The following THSD7B variants were observed in gnomAD, a reference collection of about 807,000 sequenced individuals.
THSD7B encodes the protein thrombospondin type-1 domain-containing protein 7B.
Under a neutral mutation model 213.6 loss-of-function variants are expected in THSD7B, and 138 were observed. The ratio of observed to expected loss-of-function variants is 0.65; its 90% confidence interval spans 0.56 to 0.74. The LOEUF (loss-of-function observed/expected upper bound fraction) is 0.74, where lower values mean the gene tolerates loss of function less well. Among genes scored for constraint, THSD7B ranks in the 30% least tolerant of loss-of-function variants. THSD7B has a pLI of 0.00. For missense variants in THSD7B, 1,931 were observed against 1,991.5 expected, an observed-to-expected ratio of 0.97 and a Z score of 0.58; for synonymous variants, 742 against 687.0, an observed-to-expected ratio of 1.08 and a Z score of -1.25.
intron 15 of THSD7B, among the ~76,000 whole-genome samples, chr2:137,533,802 A>G (rs949042246): frequency 1.3e-5 from 2 of 151,904 alleles, no homozygotes; most frequent in African/African-American, 4.8e-5. Context: ...TCTCAGAACC[A>G]GCAATTTGCC....
At chr2:136,800,417 G>A (rs1244055919) in intron 1 of THSD7B, among the ~76,000 whole-genome samples, 2 of 151,926 alleles carry the variant, frequency 1.3e-5, no homozygotes, top group African/African-American at 4.8e-5. Context: ...GTGGCTTACA[G>A]TAAGTATCCA....
chr2:137,301,829 G>A (rs78461585), intron 12 of THSD7B, among the ~76,000 whole-genome samples: 3 of 152,198 alleles, frequency 2.0e-5, no homozygotes, highest in Non-Finnish European at 4.4e-5. Flanking sequence ...GGCCAAAAAG[G>A]TGGGGGAGAG....
At chr2:136,963,215 C>T (rs1685255518) in intron 2 of THSD7B, among the ~76,000 whole-genome samples, 1 of 152,164 alleles carries the variant, frequency 6.6e-6, no homozygotes, top group South Asian at 2.1e-4. Context: ...CTTCCCACCC[C>T]CAGTCCTTCC....
At chr2:137,448,540 T>C (rs141881874) in intron 14 of THSD7B, among the ~76,000 whole-genome samples, 1 of 151,978 alleles carries the variant, frequency 6.6e-6, no homozygotes, top group East Asian at 2.0e-4. Context: ...CTGGCCGCAG[T>C]GGCTCACGCC....
chr2:137,660,944 AC>A (rs1683332369), intron 25 of THSD7B, among the ~76,000 whole-genome samples: 1 of 152,124 alleles, frequency 6.6e-6, no homozygotes, highest in South Asian at 2.1e-4. Flanking sequence ...TGCTTTGTTT[AC>A]TTTTAGTATC....
At chr2:137,073,151 A>G (rs1311977537) in intron 3 of THSD7B, among the ~76,000 whole-genome samples, 10 of 147,388 alleles carry the variant, frequency 6.8e-5, no homozygotes, top group African/African-American at 1.5e-4. Context: ...CTCTTTTTCT[A>G]TTGATTGGAA....
At chr2:137,481,685 G>C (rs1018084115) in intron 15 of THSD7B, among the ~76,000 whole-genome samples, 11 of 152,144 alleles carry the variant, frequency 7.2e-5, no homozygotes. Context: ...TATAAAAACA[G>C]ACATTAGACT....
intron 2 of THSD7B, among the ~76,000 whole-genome samples, chr2:137,011,703 T>C (rs531355034): frequency 6.6e-6 from 1 of 152,132 alleles, no homozygotes; most frequent in African/African-American, 2.4e-5. Flanking sequence ...AAGCTCCTTT[T>C]CCCTGTCCAA....
At chr2:137,077,514 C>A in intron 3 of THSD7B, among the ~76,000 whole-genome samples, 1 of 152,078 alleles carries the variant, frequency 6.6e-6, no homozygotes. Context: ...TAATGATCAC[C>A]ATTCTAACTG....
chr2:137,311,055 G>C (rs1168134168), intron 12 of THSD7B, among the ~76,000 whole-genome samples: 2 of 150,898 alleles, frequency 1.3e-5, no homozygotes, highest in African/African-American at 4.9e-5. Flanking sequence ...GTCATTGGTA[G>C]CTTGATGGGG....
At chr2:137,331,192 T>G (rs529420266) in intron 12 of THSD7B, among the ~76,000 whole-genome samples, 66 of 139,046 alleles carry the variant, frequency 4.7e-4, no homozygotes, top group African/African-American at 2.1e-3. Context: ...TACAGAGTGC[T>G]GATTGGTGTA....
chr2:137,620,478 G>T, intron 19 of THSD7B, 131 bp from the exon 20 acceptor site: 2 of 617,980 alleles, frequency 3.2e-6, no homozygotes. Flanking sequence ...ATATAAGAAA[G>T]GATATACTTC....
At chr2:136,908,036 A>G (rs1684195802) in intron 2 of THSD7B, among the ~76,000 whole-genome samples, 2 of 152,158 alleles carry the variant, frequency 1.3e-5, no homozygotes, top group South Asian at 4.1e-4. Flanking sequence ...TGAGTGATTT[A>G]CTTTTCATTT....
intron 3 of THSD7B, among the ~76,000 whole-genome samples, chr2:137,076,360 A>G (rs969010104): frequency 2.0e-5 from 3 of 152,332 alleles, no homozygotes; most frequent in Middle Eastern, 3.4e-3. Flanking sequence ...GCAATAAGCG[A>G]GACTCTGTTG....
chr2:137,545,924 C>T (rs1224687056), intron 15 of THSD7B, among the ~76,000 whole-genome samples: 1 of 151,402 alleles, frequency 6.6e-6, no homozygotes, highest in East Asian at 2.0e-4. Flanking sequence ...ATATTACCTG[C>T]CTTTAAGGGA....
intron 1 of THSD7B, among the ~76,000 whole-genome samples, chr2:136,835,377 A>T (rs1682827135): frequency 6.6e-6 from 1 of 152,244 alleles, no homozygotes; most frequent in South Asian, 2.1e-4. Flanking sequence ...AAATAAGGTT[A>T]TTAACATTAG....
intron 2 of THSD7B, among the ~76,000 whole-genome samples, chr2:137,055,682 G>T (rs1339778943): frequency 1.3e-5 from 2 of 152,106 alleles, no homozygotes; most frequent in Non-Finnish European, 1.5e-5. Context: ...ACTGTACCTG[G>T]ATCAGTACCC....
At chr2:137,422,708 A>T (rs1289784489) in intron 14 of THSD7B, among the ~76,000 whole-genome samples, 1 of 152,224 alleles carries the variant, frequency 6.6e-6, no homozygotes, top group Non-Finnish European at 1.5e-5. Flanking sequence ...ATTTAGGAAT[A>T]TCTCCTCTCT....
chr2:136,877,657 A>G (rs1683546498), intron 1 of THSD7B, among the ~76,000 whole-genome samples: 1 of 152,108 alleles, frequency 6.6e-6, no homozygotes, highest in South Asian at 2.1e-4. Flanking sequence ...GTACTTTGCT[A>G]CCGTACCCTT....
Sources: gnomAD v4.1 joint callset for allele counts (sites outside exome capture counted in the v4.1 genomes callset) on GRCh38, gnomAD v4.1.1 for gene constraint, MANE v1.5 for transcripts, NCBI Gene and HGNC (gene_info 2026-07-23, HGNC 2026-07-21) for gene names.